GLS2: variants seen among roughly 807,000 people sequenced by gnomAD.
GLS2 encodes glutaminase 2.
A neutral mutation model predicts 79.0 loss-of-function variants in GLS2; 52 were observed. The observed-to-expected ratio is 0.66, with a 90% CI of 0.53 to 0.83. GLS2 has a LOEUF of 0.83. GLS2 is among the 40% of genes least tolerant of loss of function. The probability of loss-of-function intolerance (pLI) is 0.00; values close to 1 mark genes in which losing one functional copy is unlikely to be tolerated. For synonymous variants in GLS2, 238 were observed against 280.8 expected, an observed-to-expected ratio of 0.85 and a Z score of 1.52; for missense variants, 561 against 764.8, an observed-to-expected ratio of 0.73 and a Z score of 3.14.
In GLS2 at chr12:56,478,225, G is replaced by C; in HGVS notation, c.572C>G (p.Pro191Arg). The change falls in exon 5 of 18, where the codon CCA becomes CGA. Residue 191 changes from proline (P) to arginine (R), a missense_variant. Physicochemically the swap from Pro to Arg is moderately radical, Grantham distance 103. This residue lies in a region of GLS2 where 43 missense variants were observed against 92.8 expected (regional missense o/e 0.46). Transcript: ENST00000311966. ...GCACAGGGAGACACCCCACAGGTCT[G>C]GGTTTGACTTGGCCAGCTGAGGGAT... is the stretch of plus-strand genomic sequence containing the variant. ...AYIPQLAKSN[P>R]DLWGVSLCTV... 1 of 1,614,248 alleles carries C rather than the reference G, an allele frequency of 6.2e-7. No individual in the cohort carries two copies. Among genetic ancestry groups the C allele is most frequent in the Non-Finnish European group, 8.5e-7 (1 of 1,180,044 alleles).
intron 9 of GLS2, 72 bp from the exon 10 acceptor site, chr12:56,475,182 C>T (rs780486917): frequency 6.8e-6 from 11 of 1,607,766 alleles, no homozygotes; most frequent in African/African-American, 4.0e-5. Flanking sequence ...AAATTACCTT[C>T]CCTGGAGAGA....
In GLS2 at chr12:56,481,199, C is replaced by CTTTTTT. The variant is rs767616017; in HGVS notation, c.183-818_183-813dup. Among the ~76,000 whole-genome samples, 61 of 79,016 alleles carry CTTTTTT rather than the reference C, an allele frequency of 7.7e-4. 1 individual carries two copies. The highest frequency in any genetic ancestry group is 9.6e-4 in the Admixed American group (5 of 5,222). 51.8% of individuals were successfully genotyped at this position (79,016 alleles called of 152,430 possible). On this transcript the variant is annotated intron_variant, in intron 1 of 17. Coordinates refer to ENST00000311966, the MANE Select transcript of GLS2 (RefSeq NM_013267.4). ...CCACCTTCTAAAATGTGCCAGTGAT[C>CTTTTTT]TTTTTTTTTTTTTTTTTTTTTTTTG...
chr12:56,482,272 C>G (rs777722647), intron 1 of GLS2, among the ~76,000 whole-genome samples: 9 of 152,118 alleles, frequency 5.9e-5, no homozygotes, highest in Admixed American at 2.0e-4. Flanking sequence ...GCCCACTTAA[C>G]TTTCCTATTC....
At position 56,488,014 on chromosome 12, in the gene GLS2, G is replaced by A; in HGVS notation, c.105C>T (p.Gly35=). ...HPSRSPLLGG[G]VRHHLSEAAA... ...CGGCCTCACTGAGGTGGTGCCGGACGCCCCCGCCAAGGAGGGGGCTCCGGC... is the reference window on the plus strand; with the variant it reads ...CGGCCTCACTGAGGTGGTGCCGGACACCCCCGCCAAGGAGGGGGCTCCGGC... The change falls in exon 1 of 18, where the codon GGC becomes GGT. Residue 35 remains glycine, a synonymous_variant. Transcript: ENST00000311966. 1 of 1,597,892 alleles carries A rather than the reference G, an allele frequency of 6.3e-7. No individual in the cohort carries two copies. The highest frequency in any genetic ancestry group is 2.2e-5 in the East Asian group (1 of 44,778).
intron 16 of GLS2, 109 bp downstream of exon 16, chr12:56,472,010 C>T: frequency 7.5e-7 from 1 of 1,339,420 alleles, no homozygotes; most frequent in Non-Finnish European, 1.1e-6. Flanking sequence ...CTAGATAAAA[C>T]TAGTTGCTGC....
In GLS2 at chr12:56,471,804, C is replaced by T. The variant is rs755823467; in HGVS notation, c.1621G>A (p.Ala541Thr). 8.1e-6 allele frequency: 13 copies of T among 1,614,104 alleles called. No homozygotes were observed. The highest frequency in any genetic ancestry group is 1.0e-5 in the Non-Finnish European group (12 of 1,180,034). ...TTGGCAAAAGGATTCACTTTGCAAG[C>T]CTCGATCAGGAATTTAACAACTTCG... ...HIEVVKFLIE[A>T]CKVNPFAKDR... Residue 541 changes from alanine (A) to threonine (T), a missense_variant, in exon 17 of 18, where the codon GCT (alanine) becomes ACT (threonine). Physicochemically the swap from Ala to Thr is moderately conservative, Grantham distance 58. This residue lies in a region of GLS2 where 136 missense variants were observed against 228.6 expected (regional missense o/e 0.59). Coordinates refer to ENST00000311966, the MANE Select transcript of GLS2 (RefSeq NM_013267.4).
intron 1 of GLS2, chr12:56,487,646 A>C (rs1870791437): frequency 2.0e-6 from 1 of 492,902 alleles, no homozygotes; most frequent in Non-Finnish European, 3.6e-6. Flanking sequence ...GCACTCAGAC[A>C]CGTGAGCCAA....
At chr12:56,475,842 G>T in intron 8 of GLS2, 103 bp downstream of exon 8, 1 of 1,422,348 alleles carries the variant, frequency 7.0e-7, no homozygotes, top group Non-Finnish European at 9.9e-7. Context: ...TCTAGTATGG[G>T]CTGGTGCACC....
chr12:56,487,521 A>T (rs1304388349), intron 1 of GLS2: 3 of 237,584 alleles, frequency 1.3e-5, no homozygotes, highest in Non-Finnish European at 2.5e-5. Context: ...GAAACACAAC[A>T]CACAGACCCC....
chr12:56,473,053 C>T, intron 14 of GLS2, 175 bp downstream of exon 14: 1 of 645,562 alleles, frequency 1.5e-6, no homozygotes, highest in South Asian at 2.0e-5. Flanking sequence ...CCACGTCTGG[C>T]TAATTTTTTG....
Position 56,488,135 on chromosome 12 carries a change from G to C in GLS2, c.-17C>G, listed in dbSNP as rs772757856. On this transcript the variant is annotated 5_prime_UTR_variant, in exon 1 of 18. Transcript: ENST00000311966. ...GGAGCGCATGCCCCAGCAAGCCTCC[G>C]GCTCTGCAGGTGCGCCCGGGACCTC... 2 of 1,520,978 alleles carry C rather than the reference G, an allele frequency of 1.3e-6. No homozygotes were observed. The highest frequency in any genetic ancestry group is 2.5e-5 in the East Asian group (1 of 40,318). 94.2% of individuals were successfully genotyped at this position (1,520,978 alleles called of 1,614,324 possible).
chr12:56,475,845 G>T, intron 8 of GLS2, 100 bp downstream of exon 8: 4 of 1,423,774 alleles, frequency 2.8e-6, no homozygotes, highest in Non-Finnish European at 4.0e-6. Context: ...AGTATGGGCT[G>T]GTGCACCTGG....
Position 56,487,954 on chromosome 12 carries a change from C to T in GLS2, c.165G>A (p.Gln55=), listed in dbSNP as rs762686770. 3.7e-6 allele frequency: 6 copies of T among 1,603,152 alleles called. No individual in the cohort carries two copies. In the South Asian group the frequency reaches 5.5e-5, roughly 15 times the overall value. Residue 55 remains glutamine, a synonymous_variant, in exon 1 of 18, where the codon CAG becomes CAA. Transcript: ENST00000311966. ...AGCCTTACTGATCCTGGTGCTGCGG[C>T]TGGTGGCTGTGTGGCGTCTCTCTGC... ...AQGRETPHSH[Q]PQHQDHDSSE...
intron 1 of GLS2, among the ~76,000 whole-genome samples, chr12:56,483,925 A>G (rs965077204): frequency 1.3e-5 from 2 of 151,986 alleles, no homozygotes; most frequent in Non-Finnish European, 2.9e-5. Flanking sequence ...AAAAATATAT[A>G]TGTGTTTGCT....
intron 1 of GLS2, among the ~76,000 whole-genome samples, chr12:56,483,630 G>A (rs964713657): frequency 1.3e-5 from 2 of 152,048 alleles, no homozygotes; most frequent in Non-Finnish European, 2.9e-5. Context: ...TTTGTTTTTA[G>A]AGATGGGGTT....
intron 15 of GLS2, 190 bp from the exon 16 acceptor site, chr12:56,472,385 ATGTG>A: frequency 1.6e-6 from 1 of 615,426 alleles, no homozygotes; most frequent in Non-Finnish European, 2.9e-6. Context: ...AGAGATGGGA[ATGTG>A]ATCCTTCCAG....
chr12:56,478,877 G>A lies in GLS2; in HGVS notation c.534+175C>T, dbSNP rs187757673. 9.7e-4 allele frequency: 694 copies of A among 713,226 alleles called. 1 individual carries two copies. Among genetic ancestry groups the A allele is most frequent in the Non-Finnish European group, 1.4e-3 (618 of 449,778 alleles). The allele number at this position is 713,226 out of a possible 1,614,324, so 44.2% of individuals were successfully genotyped here. On this transcript the variant is annotated intron_variant, in intron 4 of 17. Transcript: ENST00000311966. ...GCATGGTGGTGTATGCCAGCTACTC[G>A]GGAGGCTGAGACAGGAGAATCGCTT...
intron 4 of GLS2, 152 bp from the exon 5 acceptor site, chr12:56,478,414 C>T: frequency 1.4e-6 from 1 of 731,896 alleles, no homozygotes; most frequent in South Asian, 1.8e-5. Context: ...CCCAGAAATG[C>T]CCGAGCCTTA....
Position 56,474,854 on chromosome 12 carries a change from A to G in GLS2, c.1039T>C (p.Tyr347His). The G allele has an allele frequency of 6.2e-7, 1 of 1,614,176 alleles. No individual in the cohort carries two copies. Among genetic ancestry groups the G allele is most frequent in the Non-Finnish European group, 8.5e-7 (1 of 1,180,016 alleles). ...GAGCAGTGTTTTCTTACCTGGAAGT[A>G]GAGATCAAGGGCAGCCATCATGTCC... ...GVDMMAALDLYFQLCSVEVTC... is the reference protein window; with the variant it reads ...GVDMMAALDLHFQLCSVEVTC... The change falls in exon 11 of 18, where the codon TAC (tyrosine) becomes CAC (histidine). Residue 347 changes from tyrosine (Y) to histidine (H), a missense_variant. Coordinates refer to ENST00000311966, the MANE Select transcript of GLS2 (RefSeq NM_013267.4).
Sources: allele counts gnomAD v4.1 joint callset (sites outside exome capture counted in the v4.1 genomes callset), GRCh38; gene constraint gnomAD v4.1.1; regional missense constraint gnomAD v4.1.1; transcripts MANE v1.5; gene names NCBI Gene and HGNC (gene_info 2026-07-23, HGNC 2026-07-21).